BMP6: variants seen among roughly 807,000 people sequenced by gnomAD.
BMP6 encodes bone morphogenetic protein 6.
A neutral mutation model predicts 54.1 loss-of-function variants in BMP6; 17 were observed. The ratio of observed to expected loss-of-function variants is 0.31; its 90% CI spans 0.22 to 0.47. The LOEUF is 0.47. BMP6 is among the 20% of genes least tolerant of loss of function. BMP6 has a pLI of 1.00. For missense variants in BMP6, 720 were observed against 690.4 expected (o/e 1.04, Z -0.48); for synonymous variants, 328 against 291.2 (o/e 1.13, Z -1.28).
At chr6:7,815,506 AAATAGT>A (rs1758511877) in intron 1 of BMP6, among the ~76,000 whole-genome samples, 1 of 152,244 alleles carries the variant, frequency 6.6e-6, no homozygotes. Context: ...AATGTTTAAT[AAATAGT>A]ACCTACTGTT....
At chr6:7,733,770 T>G (rs1210280128) in intron 1 of BMP6, among the ~76,000 whole-genome samples, 1 of 152,194 alleles carries the variant, frequency 6.6e-6, no homozygotes, top group African/African-American at 2.4e-5. Flanking sequence ...TGATCCAGCT[T>G]TTACCCACTG....
Position 7,747,943 on chromosome 6 carries a change from G to C in BMP6, c.664+20324G>C, listed in dbSNP as rs938555136. On this transcript the variant is annotated intron_variant, in intron 1 of 6. Transcript: ENST00000283147. ...TTATAGGCGTGAGCCACTGTGCCAG[G>C]CTATGGACTTCTAACCTGCAGGCCT... is the stretch of plus-strand genomic sequence containing the variant. Among the ~76,000 whole-genome samples, 4 of 152,306 alleles carry C rather than the reference G, an allele frequency of 2.6e-5. No homozygotes were observed. The East Asian group carries it at 7.7e-4, about 29-fold the overall frequency.
chr6:7,850,796 C>G (rs1759129737), intron 2 of BMP6, among the ~76,000 whole-genome samples: 1 of 152,138 alleles, frequency 6.6e-6, no homozygotes, highest in Non-Finnish European at 1.5e-5. Context: ...ATTGTTGAGA[C>G]CACAGGGCGA....
chr6:7,849,815 G>C (rs933743542), intron 2 of BMP6, among the ~76,000 whole-genome samples: 11 of 152,110 alleles, frequency 7.2e-5, no homozygotes, highest in Non-Finnish European at 1.6e-4. Flanking sequence ...TCCGTGTTCT[G>C]CTCTCTGTGT....
intron 1 of BMP6, among the ~76,000 whole-genome samples, chr6:7,813,846 A>G (rs1205085980): frequency 6.6e-6 from 1 of 152,120 alleles, no homozygotes; most frequent in Non-Finnish European, 1.5e-5. Context: ...CTACTGCCCC[A>G]TCAGTCACTC....
intron 4 of BMP6, among the ~76,000 whole-genome samples, chr6:7,870,630 C>A (rs543063574): frequency 1.3e-5 from 2 of 151,464 alleles, no homozygotes; most frequent in Admixed American, 6.6e-5. Flanking sequence ...TTTTAAAAAA[C>A]AACAACAACA....
At chr6:7,819,316 A>G (rs995209517) in intron 1 of BMP6, among the ~76,000 whole-genome samples, 2 of 152,190 alleles carry the variant, frequency 1.3e-5, no homozygotes, top group Non-Finnish European at 2.9e-5. Flanking sequence ...TACTGGGTAT[A>G]ATTGCATATA....
chr6:7,730,725 A>G (rs768258380), intron 1 of BMP6, among the ~76,000 whole-genome samples: 4 of 152,240 alleles, frequency 2.6e-5, no homozygotes, highest in Non-Finnish European at 4.4e-5. Context: ...TGGATTCTCT[A>G]TATAGGGATA....
chr6:7,805,884 C>T (rs891771574), intron 1 of BMP6, among the ~76,000 whole-genome samples: 6 of 152,104 alleles, frequency 3.9e-5, no homozygotes, highest in Admixed American at 2.0e-4. Context: ...CCACAGTAAG[C>T]GAGGTCATCA....
intron 1 of BMP6, among the ~76,000 whole-genome samples, chr6:7,796,813 A>C (rs1488366722): frequency 2.0e-5 from 3 of 152,240 alleles, no homozygotes; most frequent in African/African-American, 7.2e-5. Flanking sequence ...TGCTGTATTC[A>C]CCATTGAATC....
At chr6:7,797,094 C>T (rs1758201648) in intron 1 of BMP6, among the ~76,000 whole-genome samples, 1 of 152,134 alleles carries the variant, frequency 6.6e-6, no homozygotes, top group South Asian at 2.1e-4. Context: ...TAATATGTTT[C>T]AATGTAGACT....
chr6:7,782,660 G>A (rs968417392), intron 1 of BMP6, among the ~76,000 whole-genome samples: 8 of 152,168 alleles, frequency 5.3e-5, no homozygotes, highest in African/African-American at 1.4e-4. Context: ...CTAAGATGGC[G>A]TGACTGTACT....
At chr6:7,804,364 C>T (rs2113201925) in intron 1 of BMP6, among the ~76,000 whole-genome samples, 2 of 152,216 alleles carry the variant, frequency 1.3e-5, no homozygotes, top group South Asian at 4.1e-4. Context: ...TCTGGCCATG[C>T]AAACTGGCTT....
intron 1 of BMP6, among the ~76,000 whole-genome samples, chr6:7,790,084 T>C (rs1051938595): frequency 2.6e-5 from 4 of 152,120 alleles, no homozygotes; most frequent in African/African-American, 9.7e-5. Flanking sequence ...TGTGGAGGTG[T>C]TGTCTAGGGC....
chr6:7,823,881 A>C (rs1758652624), intron 1 of BMP6, among the ~76,000 whole-genome samples: 2 of 152,194 alleles, frequency 1.3e-5, no homozygotes, highest in Non-Finnish European at 2.9e-5. Context: ...AATGATTGTG[A>C]AAAATACCCT....
intron 1 of BMP6, among the ~76,000 whole-genome samples, chr6:7,768,050 A>G (rs1000385871): frequency 2.6e-5 from 4 of 151,702 alleles, no homozygotes; most frequent in Non-Finnish European, 4.4e-5. Context: ...GGAGATAGGT[A>G]TTTTCCTTCT....
intron 4 of BMP6, among the ~76,000 whole-genome samples, chr6:7,871,185 A>C (rs1759518554): frequency 6.6e-6 from 1 of 152,364 alleles, no homozygotes; most frequent in African/African-American, 2.4e-5. Flanking sequence ...GGTGCTAGAA[A>C]AGAAAAATCT....
intron 1 of BMP6, among the ~76,000 whole-genome samples, chr6:7,740,637 A>C (rs999031251): frequency 1.3e-5 from 2 of 151,948 alleles, no homozygotes; most frequent in Admixed American, 6.6e-5. Context: ...CTTGGACCCC[A>C]CCCTGACTCG....
intron 1 of BMP6, among the ~76,000 whole-genome samples, chr6:7,807,527 C>T (rs1378416987): frequency 2.6e-5 from 4 of 152,180 alleles, no homozygotes; most frequent in Admixed American, 2.0e-4. Flanking sequence ...GATCCGCCCA[C>T]CTTGGCCTCC....
Sources: gnomAD v4.1 joint callset for allele counts (sites outside exome capture counted in the v4.1 genomes callset) on GRCh38, gnomAD v4.1.1 for gene constraint, MANE v1.5 for transcripts, NCBI Gene and HGNC (gene_info 2026-07-23, HGNC 2026-07-21) for gene names.